WDPCP: variants seen among roughly 807,000 people sequenced by gnomAD.
WDPCP encodes the protein WD repeat containing planar cell polarity effector.
WDPCP carries 71 observed loss-of-function variants against 93.1 expected under a neutral mutation model. The ratio of observed to expected loss-of-function variants is 0.76; its 90% CI spans 0.63 to 0.93. WDPCP has a LOEUF of 0.93. Ranked by LOEUF, WDPCP falls within the 40% of genes least tolerant of loss-of-function variation. The probability of loss-of-function intolerance (pLI) is 0.00; values close to 1 mark genes in which losing one functional copy is unlikely to be tolerated. For missense variants in WDPCP, 844 were observed against 887.4 expected (o/e 0.95, Z 0.62); for synonymous variants, 315 against 315.0 (o/e 1.00, Z 0.00).
At chr2:63,714,143 C>G (rs756421431) in intron 2 of WDPCP, among the ~76,000 whole-genome samples, 4 of 151,000 alleles carry the variant, frequency 2.6e-5, no homozygotes, top group Non-Finnish European at 5.9e-5. Flanking sequence ...GCAACTTCTG[C>G]CTCCCGGGTT....
chr2:63,195,605 A>G (rs1335679519), intron 14 of WDPCP, among the ~76,000 whole-genome samples: 2 of 152,142 alleles, frequency 1.3e-5, no homozygotes, highest in African/African-American at 4.8e-5. Context: ...GGCGTGAGCC[A>G]CCATGCCAGG....
intron 2 of WDPCP, among the ~76,000 whole-genome samples, chr2:63,739,250 TCCC>T (rs1344847304): frequency 6.6e-6 from 1 of 152,130 alleles, no homozygotes; most frequent in African/African-American, 2.4e-5. Context: ...ATCATTTACC[TCCC>T]ACTTATAAGT....
At chr2:63,652,867 T>A (rs1710123732) in intron 2 of WDPCP, among the ~76,000 whole-genome samples, 1 of 152,202 alleles carries the variant, frequency 6.6e-6, no homozygotes, top group African/African-American at 2.4e-5. Context: ...TAAGGGAGTT[T>A]AAAGTAAGAC....
chr2:63,481,780 A>G (rs1156848778), intron 6 of WDPCP, among the ~76,000 whole-genome samples: 3 of 151,906 alleles, frequency 2.0e-5, no homozygotes, highest in African/African-American at 4.8e-5. Flanking sequence ...GACTACAAAT[A>G]GGATACAGTG....
intron 2 of WDPCP, among the ~76,000 whole-genome samples, chr2:63,785,348 T>A (rs1007022917): frequency 1.3e-5 from 2 of 152,312 alleles, no homozygotes; most frequent in African/African-American, 4.8e-5. Flanking sequence ...ATTCACTGCT[T>A]TTCCCTTTCT....
At chr2:63,508,214 C>G (rs1224429950) in intron 1 of WDPCP, among the ~76,000 whole-genome samples, 1 of 152,176 alleles carries the variant, frequency 6.6e-6, no homozygotes, top group African/African-American at 2.4e-5. Flanking sequence ...AAAGGAAAGC[C>G]TATCAGGCTA....
intron 12 of WDPCP, among the ~76,000 whole-genome samples, chr2:63,354,668 ATGTG>A (rs759877205): frequency 1.1e-4 from 16 of 151,684 alleles, no homozygotes; most frequent in African/African-American, 2.9e-4. Flanking sequence ...GTGTATATAT[ATGTG>A]TGTGTGTGTA....
chr2:63,313,872 A>ATATGTGTGTGTG (rs1559311965), intron 12 of WDPCP, among the ~76,000 whole-genome samples: 2 of 101,564 alleles, frequency 2.0e-5, no homozygotes, highest in African/African-American at 3.7e-5. Flanking sequence ...ATATATATAT[A>ATATGTGTGTGTG]TATATATATA....
At chr2:63,494,269 T>C (rs1348125979) in intron 1 of WDPCP, among the ~76,000 whole-genome samples, 2 of 81,560 alleles carry the variant, frequency 2.5e-5, no homozygotes, top group Non-Finnish European at 4.4e-5. Flanking sequence ...TTTCACCAGA[T>C]GATGATGATG....
chr2:63,795,507 A>AAAAG (rs1224663205), intron 2 of WDPCP, among the ~76,000 whole-genome samples: 5 of 151,740 alleles, frequency 3.3e-5, no homozygotes, highest in African/African-American at 7.3e-5. Context: ...CTCAAAAAAA[A>AAAAG]AAAGAAAGAA....
chr2:63,613,609 G>C (rs1239860983), intron 3 of WDPCP, among the ~76,000 whole-genome samples: 2 of 152,222 alleles, frequency 1.3e-5, no homozygotes, highest in Non-Finnish European at 2.9e-5. Flanking sequence ...AAGTCCAAGG[G>C]AATGGGAGCA....
At chr2:63,307,590 C>A (rs985183775) in intron 13 of WDPCP, among the ~76,000 whole-genome samples, 3 of 152,148 alleles carry the variant, frequency 2.0e-5, no homozygotes, top group Non-Finnish European at 4.4e-5. Context: ...CACACATCTA[C>A]AATCATTTGA....
At chr2:63,830,150 T>G (rs1024984600), upstream of WDPCP, among the ~76,000 whole-genome samples, 1 of 152,172 alleles carries the variant, frequency 6.6e-6, no homozygotes, top group African/African-American at 2.4e-5. Flanking sequence ...TGATATTTCA[T>G]AAAGTAAATT....
chr2:63,482,283 A>C (rs774309883), intron 6 of WDPCP, among the ~76,000 whole-genome samples: 1 of 152,012 alleles, frequency 6.6e-6, no homozygotes, highest in Non-Finnish European at 1.5e-5. Flanking sequence ...TTAGCAGAGG[A>C]GTAGCCAAAT....
chr2:63,455,402 T>G (rs1698546918), intron 6 of WDPCP, among the ~76,000 whole-genome samples: 1 of 138,750 alleles, frequency 7.2e-6, no homozygotes. Context: ...GAAATGTACT[T>G]TACTTGTAAA....
intron 10 of WDPCP, among the ~76,000 whole-genome samples, chr2:63,385,778 A>C (rs7608504): frequency 0.24 from 35,863 of 151,792 alleles, 5,705 homozygotes; most frequent in East Asian, 0.61. Flanking sequence ...CATGGAAAGG[A>C]TCTAGAATAG....
upstream of WDPCP, chr2:63,593,306 C>G: frequency 3.7e-6 from 1 of 269,416 alleles, no homozygotes; most frequent in Admixed American, 4.2e-5. Context: ...ATTGGTCAGG[C>G]TGGTCTCAAA....
chr2:63,799,837 G>T (rs1670667898), intron 2 of WDPCP, among the ~76,000 whole-genome samples: 3 of 151,916 alleles, frequency 2.0e-5, no homozygotes, highest in South Asian at 4.1e-4. Context: ...CCAGCAAAAT[G>T]AAAAAAATAA....
At chr2:63,707,491 T>TTGGTTTC (rs1218210311) in intron 2 of WDPCP, among the ~76,000 whole-genome samples, 70 of 152,346 alleles carry the variant, frequency 4.6e-4, no homozygotes, top group African/African-American at 1.6e-3. Flanking sequence ...GTCCCTTAAG[T>TTGGTTTC]ACTTCTCTGC....
Sources: gnomAD v4.1 joint callset for allele counts (sites outside exome capture counted in the v4.1 genomes callset) on GRCh38, gnomAD v4.1.1 for gene constraint, MANE v1.5 for transcripts, NCBI Gene and HGNC (gene_info 2026-07-23, HGNC 2026-07-21) for gene names.